The following FBXO34 variants were observed in gnomAD, a reference collection of about 807,000 sequenced individuals.
FBXO34 encodes the protein F-box only protein 34.
Under a neutral mutation model 24.5 loss-of-function variants are expected in FBXO34, and 12 were observed. The observed-to-expected ratio is 0.49, with a 90% CI of 0.31 to 0.79. The LOEUF is 0.79. FBXO34 is among the 30% of genes least tolerant of loss of function. The pLI, the probability that FBXO34 is intolerant of heterozygous loss-of-function variation, is 0.04. For missense variants in FBXO34, 823 were observed against 857.7 expected, an observed-to-expected ratio of 0.96 and a Z score of 0.51; for synonymous variants, 320 against 311.9, an observed-to-expected ratio of 1.03 and a Z score of -0.27.
At chr14:55,377,915 T>A in the FBXO34 span, 1 of 1,597,228 alleles carries the variant, frequency 6.3e-7, no homozygotes, top group Non-Finnish European at 8.5e-7. Flanking sequence ...CTAAAAAAAA[T>A]TAAAGAATTG....
At position 55,351,455 on chromosome 14, in the gene FBXO34, T is replaced by A; in HGVS notation, c.1065T>A (p.Ala355=). The change falls in exon 2 of 2, where the codon GCT becomes GCA. Residue 355 remains alanine (A), a synonymous_variant. Coordinates refer to ENST00000313833, the MANE Select transcript of FBXO34 (RefSeq NM_017943.4). ...CTGTGGATTGTGGCCCTTCAAGAGC[T>A]GATCGTTGTTCTCCTAAGGAGGACC... ...SVSVDCGPSR[A]DRCSPKEDQA... The A allele has an allele frequency of 2.5e-6, 4 of 1,614,200 alleles. No homozygotes were observed. The highest frequency in any genetic ancestry group is 3.4e-6 in the Non-Finnish European group (4 of 1,180,032).
At chr14:55,394,806 G>GTATT in the FBXO34 span, 1 of 288,308 alleles carries the variant, frequency 3.5e-6, no homozygotes, top group African/African-American at 2.2e-5. Flanking sequence ...AGTATGCCTG[G>GTATT]TATTATAGGA....
the FBXO34 span, among the ~76,000 whole-genome samples, chr14:55,376,490 A>C: frequency 2.0e-5 from 3 of 152,162 alleles, no homozygotes; most frequent in Non-Finnish European, 4.4e-5. Context: ...TTGTAAGTAT[A>C]TGTGCAGTTT....
intron 1 of FBXO34, among the ~76,000 whole-genome samples, chr14:55,348,855 AT>A (rs2140085576): frequency 6.6e-6 from 1 of 152,130 alleles, no homozygotes; most frequent in South Asian, 2.1e-4. Context: ...ATTAAAACTG[AT>A]AACCTGAAAT....
At chr14:55,297,069 C>T (rs745878263) in intron 1 of FBXO34, among the ~76,000 whole-genome samples, 1 of 152,120 alleles carries the variant, frequency 6.6e-6, no homozygotes, top group Non-Finnish European at 1.5e-5. Context: ...CCTTGACCGG[C>T]GTCATTTTGG....
rs1331275627 is a variant in FBXO34, at chr14:55,352,052, G to C, written c.1662G>C (p.Val554=). The change falls in exon 2 of 2, where the codon GTG becomes GTC. Residue 554 remains valine (V), a synonymous_variant. Coordinates refer to ENST00000313833, the MANE Select transcript of FBXO34 (RefSeq NM_017943.4). ...AGGCATCCAGTTGGAAGAAGCAGGT[G>C]TCGCATGACTTCCTGGAGACCAGGT... The part of the protein sequence containing the change: ...VLEASSWKKQ[V]SHDFLETRFK... The C allele has an allele frequency of 6.2e-7, 1 of 1,614,098 alleles. No individual in the cohort carries two copies. Among genetic ancestry groups the C allele is most frequent in the African/African-American group, 1.3e-5 (1 of 74,918 alleles).
At position 55,353,339 on chromosome 14, in the gene FBXO34, C is replaced by G. The variant is rs1884457907; in HGVS notation, c.*813C>G. 6.0e-6 allele frequency: 1 copy of G among 166,558 alleles called. No individual in the cohort carries two copies. Among genetic ancestry groups the G allele is most frequent in the Non-Finnish European group, 1.5e-5 (1 of 68,074 alleles). The allele number at this position is 166,558 out of a possible 1,614,324, so 10.3% of individuals were successfully genotyped here. On this transcript the variant is annotated 3_prime_UTR_variant, in exon 2 of 2. Transcript: ENST00000313833. ...TCTTGTATAAAATATGAATGTTTCC[C>G]AAATAAACTATGAATGTTTCCTGTA...
the FBXO34 span, chr14:55,382,125 A>C: frequency 6.2e-7 from 1 of 1,614,132 alleles, no homozygotes; most frequent in East Asian, 2.2e-5. Flanking sequence ...TCCGGGCTTC[A>C]GCAAGCTTGC....
At chr14:55,364,363 A>C (rs893000507), downstream of FBXO34, among the ~76,000 whole-genome samples, 1 of 152,210 alleles carries the variant, frequency 6.6e-6, no homozygotes, top group African/African-American at 2.4e-5. Context: ...TCATTGATGT[A>C]AATAACTCTT....
the FBXO34 span, among the ~76,000 whole-genome samples, chr14:55,387,375 G>C: frequency 6.6e-6 from 1 of 152,096 alleles, no homozygotes; most frequent in African/African-American, 2.4e-5. Context: ...CTAACACTCA[G>C]GCTATCTATT....
chr14:55,397,262 C>A, the FBXO34 span: 1 of 956,650 alleles, frequency 1.0e-6, no homozygotes, highest in Non-Finnish European at 1.7e-6. Context: ...GAGGTTGTAT[C>A]CTAAATTCAG....
the FBXO34 span, among the ~76,000 whole-genome samples, chr14:55,424,984 G>T: frequency 2.6e-5 from 4 of 152,096 alleles, no homozygotes; most frequent in East Asian, 7.7e-4. Context: ...CAAAGCAGTG[G>T]CTAATGGACA....
chr14:55,383,571 A>T, the FBXO34 span, among the ~76,000 whole-genome samples: 2 of 149,206 alleles, frequency 1.3e-5, no homozygotes, highest in Non-Finnish European at 3.0e-5. Context: ...AAAAAAACAA[A>T]ACAACAACAA....
At chr14:55,331,687 G>GTA (rs199998638) in intron 1 of FBXO34, among the ~76,000 whole-genome samples, 721 of 28,870 alleles carry the variant, frequency 0.025, 147 homozygotes, top group African/African-American at 0.076. Flanking sequence ...ATATATATGT[G>GTA]TATATATATA....
chr14:55,312,151 G>A (rs1471743794), intron 1 of FBXO34, among the ~76,000 whole-genome samples: 3 of 151,968 alleles, frequency 2.0e-5, no homozygotes, highest in Non-Finnish European at 4.4e-5. Context: ...AGTGAGCTGA[G>A]ATCACACCAC....
chr14:55,286,651 C>T (rs909727775), intron 1 of FBXO34, among the ~76,000 whole-genome samples: 8 of 152,002 alleles, frequency 5.3e-5, no homozygotes, highest in African/African-American at 1.9e-4. Flanking sequence ...ATTGTAAGCC[C>T]CTAACGAAAT....
chr14:55,321,677 G>A (rs906156367), intron 1 of FBXO34, among the ~76,000 whole-genome samples: 3 of 152,292 alleles, frequency 2.0e-5, no homozygotes, highest in Admixed American at 6.5e-5. Context: ...GATTACAGGC[G>A]TGAGCCACTG....
intron 1 of FBXO34, among the ~76,000 whole-genome samples, chr14:55,275,406 A>T (rs1366343932): frequency 2.6e-5 from 4 of 152,178 alleles, no homozygotes; most frequent in African/African-American, 9.7e-5. Context: ...AGGTACTCAG[A>T]TAGGGACTGT....
At chr14:55,335,488 C>T (rs1445284996) in intron 1 of FBXO34, 1 of 152,112 alleles carries the variant, frequency 6.6e-6, no homozygotes, top group East Asian at 1.9e-4. Context: ...TAATGAAGAA[C>T]CACTGGGATT....
Sources: allele counts gnomAD v4.1 joint callset (sites outside exome capture counted in the v4.1 genomes callset), GRCh38; gene constraint gnomAD v4.1.1; transcripts MANE v1.5; gene names NCBI Gene and HGNC (gene_info 2026-07-23, HGNC 2026-07-21).